The following EXOSC5 variants were observed in gnomAD, a reference collection of about 807,000 sequenced individuals.
The protein encoded by EXOSC5 is exosome component 5.
A neutral mutation model predicts 23.7 loss-of-function variants in EXOSC5; 15 were observed. That is an observed-to-expected ratio of 0.63 (90% CI 0.42 to 0.97). The LOEUF is 0.97. EXOSC5 is among the 50% of genes least tolerant of loss of function. The probability of loss-of-function intolerance (pLI) is 0.00; values close to 1 mark genes in which losing one functional copy is unlikely to be tolerated. For synonymous variants in EXOSC5, 143 were observed against 140.9 expected (o/e 1.02, Z -0.11); for missense variants, 305 against 316.3 (o/e 0.96, Z 0.27).
chr19:41,387,422 A>C (rs868499240), intron 5 of EXOSC5, 92 bp downstream of exon 5: 4 of 1,000,830 alleles, frequency 4.0e-6, no homozygotes, highest in Non-Finnish European at 5.6e-6. Context: ...GGCTCTCCTG[A>C]AGCCTCTCAG....
At chr19:41,386,997 G>A (rs1410151037) in intron 5 of EXOSC5, among the ~76,000 whole-genome samples, 1 of 152,192 alleles carries the variant, frequency 6.6e-6, no homozygotes, top group African/African-American at 2.4e-5. Context: ...CCTTGGAGGA[G>A]GCCCCAGCTG....
At chr19:41,392,830 CTG>C in intron 2 of EXOSC5, 35 bp downstream of exon 2, 1 of 1,597,994 alleles carries the variant, frequency 6.3e-7, no homozygotes, top group Non-Finnish European at 8.6e-7. Context: ...TTTTGACAAA[CTG>C]GGCACCACTC....
chr19:41,392,080 C>T, intron 2 of EXOSC5, 118 bp from the exon 3 acceptor site: 6 of 1,409,010 alleles, frequency 4.3e-6, no homozygotes, highest in Non-Finnish European at 4.7e-6. Flanking sequence ...GGTGCAGTTA[C>T]CTGCAGGGAT....
At chr19:41,392,320 G>A (rs990098536) in intron 2 of EXOSC5, among the ~76,000 whole-genome samples, 215 of 152,290 alleles carry the variant, frequency 1.4e-3, no homozygotes, top group Non-Finnish European at 1.1e-3. Context: ...AGTGGCTCGC[G>A]CCTGTAATCC....
At position 41,392,892 on chromosome 19, in the gene EXOSC5, G is replaced by A. The variant is rs372974571; in HGVS notation, c.237C>T (p.Ile79=). ...EIFNKATLEV[I]LRPKIGLPGV... is the part of the protein sequence containing the mutation. ...CAGGCAGCCCAATCTTCGGCCTCAG[G>A]ATCACTTCGAGTGTGGCCTTGTTGA... The change falls in exon 2 of 6, where the codon ATC becomes ATT. Residue 79 remains isoleucine, a synonymous_variant. Coordinates refer to ENST00000221233, the MANE Select transcript of EXOSC5 (RefSeq NM_020158.4). 68 of 1,613,792 alleles carry A rather than the reference G, an allele frequency of 4.2e-5. No individual in the cohort carries two copies. Among genetic ancestry groups the A allele is most frequent in the Non-Finnish European group, 5.4e-5 (64 of 1,179,994 alleles).
At chr19:41,391,058 G>A (rs892938759) in intron 3 of EXOSC5, among the ~76,000 whole-genome samples, 44 of 152,000 alleles carry the variant, frequency 2.9e-4, no homozygotes, top group African/African-American at 1.1e-3. Context: ...GAAATCCACT[G>A]AGGTGCCGAG....
Position 41,389,881 on chromosome 19 carries a change from C to A in EXOSC5, c.409G>T (p.Ala137Ser). ...GSLLACCLNA[A>S]CMALVDAGVP... ...CCTGCATCCACCAATGCCATGCAGGCGGCATTCAGACAACAGGCCAGGAGC... is the reference window on the plus strand; with the variant it reads ...CCTGCATCCACCAATGCCATGCAGGAGGCATTCAGACAACAGGCCAGGAGC... Residue 137 changes from alanine (A) to serine (S), a missense_variant, in exon 4 of 6, where the codon GCC becomes TCC. Ala to Ser is a moderately conservative substitution (Grantham distance 99, BLOSUM62 1). Coordinates refer to ENST00000221233, the MANE Select transcript of EXOSC5 (RefSeq NM_020158.4). The A allele has an allele frequency of 6.2e-7, 1 of 1,611,100 alleles. No individual in the cohort carries two copies. Among genetic ancestry groups the A allele is most frequent in the Non-Finnish European group, 8.5e-7 (1 of 1,178,900 alleles).
Position 41,391,943 on chromosome 19 carries a change from C to A in EXOSC5, c.282G>T (p.Arg94=). The change falls in exon 3 of 6, where the codon CGG becomes CGT. Residue 94 remains arginine, a synonymous_variant. Transcript: ENST00000221233. ...IGLPGVAEKS[R]ERLIRNTCEA... is the part of the protein sequence containing the mutation. ...CGCACGTGTTCCTGATCAGCCGCTC[C>A]CGGCTCTTCTCTGCAACACCTGGGG... The A allele has an allele frequency of 1.9e-6, 3 of 1,582,586 alleles. No individual in the cohort carries two copies. The highest frequency in any genetic ancestry group is 1.7e-6 in the Non-Finnish European group (2 of 1,167,776).
At position 41,386,689 on chromosome 19, in the gene EXOSC5, G is replaced by C; in HGVS notation, c.652C>G (p.Gln218Glu). 6.2e-7 allele frequency: 1 copy of C among 1,603,418 alleles called. No individual in the cohort carries two copies. Among genetic ancestry groups the C allele is most frequent in the East Asian group, 2.2e-5 (1 of 44,522 alleles). Residue 218 changes from glutamine to glutamate, a missense_variant, in exon 6 of 6, where the codon CAA (glutamine) becomes GAA (glutamate). Gln to Glu is a conservative substitution (Grantham distance 29). Transcript: ENST00000221233. Reference sequence around the variant, plus strand: ...TCCCGGTAGAAACGGAAGACGTGTTGCGAAGCGGCCTGGGCCGCAGCCAGG... The same window carrying C: ...TCCCGGTAGAAACGGAAGACGTGTTCCGAAGCGGCCTGGGCCGCAGCCAGG... ...QCLAAAQAAS[Q>E]HVFRFYRESL...
rs35219501 is a variant in EXOSC5, at chr19:41,386,668, G to A, written c.673C>T (p.Arg225Trp). The A allele has an allele frequency of 2.6e-4, 418 of 1,602,170 alleles. 1 individual carries two copies. The African/African-American group carries it at 3.9e-3, about 15-fold the overall frequency. Residue 225 changes from arginine to tryptophan, a missense_variant, in exon 6 of 6, where the codon CGG (arginine) becomes TGG (tryptophan). Transcript: ENST00000221233. ...AASQHVFRFY[R>W]ESLQRRYSKS ...GAGTAACGCCTCTGCAGCGATTCCC[G>A]GTAGAAACGGAAGACGTGTTGCGAA...
intron 5 of EXOSC5, among the ~76,000 whole-genome samples, chr19:41,387,286 T>A (rs139151273): frequency 4.5e-4 from 68 of 152,336 alleles, no homozygotes; most frequent in African/African-American, 1.6e-3. Context: ...TGCCCTCTTC[T>A]GACTTCAAAC....
At position 41,397,179 on chromosome 19, in the gene EXOSC5, A is replaced by G. The variant is rs754549129; in HGVS notation, c.148+2T>C. 2.0e-5 allele frequency: 32 copies of G among 1,613,796 alleles called. No individual in the cohort carries two copies. The highest frequency in any genetic ancestry group is 2.5e-5 in the Non-Finnish European group (30 of 1,179,724). ...AAAGAAAGACCTGGGTGAAGTTCTT[A>G]CCTTGCAGGAAGGAAGCAGAGCCAT... On this transcript the variant is annotated splice_donor_variant, in intron 1 of 5. Coordinates refer to ENST00000221233, the MANE Select transcript of EXOSC5 (RefSeq NM_020158.4). LOFTEE classifies it high-confidence loss of function.
At chr19:41,392,005 G>A in intron 2 of EXOSC5, 43 bp from the exon 3 acceptor site, 1 of 1,562,248 alleles carries the variant, frequency 6.4e-7, no homozygotes, top group Non-Finnish European at 8.6e-7. Context: ...CCCTTCATTT[G>A]ACTCACCTTC....
rs542062093 is a variant in EXOSC5 at position 41,389,963 on chromosome 19, G to C, written c.385-58C>G. On this transcript the variant is annotated intron_variant, in intron 3 of 5. Coordinates refer to ENST00000221233, the MANE Select transcript of EXOSC5 (RefSeq NM_020158.4). ...TTTTTTTTTTTGGAGATGGAGTTTCGCTCTTGTTGCCCAGGCTGGAGTGCA... is the reference window on the plus strand; with the variant it reads ...TTTTTTTTTTTGGAGATGGAGTTTCCCTCTTGTTGCCCAGGCTGGAGTGCA... The C allele has an allele frequency of 9.2e-6, 14 of 1,517,454 alleles. No individual in the cohort carries two copies. The African/African-American group carries it at 1.8e-4, about 20-fold the overall frequency. 94.0% of individuals were successfully genotyped at this position (1,517,454 alleles called of 1,614,324 possible).
In EXOSC5 at chr19:41,391,878, A is replaced by T. The variant is rs759212369; in HGVS notation, c.347T>A (p.Ile116Asn). ...GCTGACAACCTGCAGCACCACGGTG[A>T]TGGAGGTGCGGGGGTGCAACGTGCC... is the stretch of plus-strand genomic sequence containing the variant. ...VLGTLHPRTS[I>N]TVVLQVVSDA... Residue 116 changes from isoleucine to asparagine, a missense_variant, in exon 3 of 6, where the codon ATC (isoleucine) becomes AAC (asparagine). Ile to Asn is a moderately radical substitution (Grantham distance 149). Coordinates refer to ENST00000221233, the MANE Select transcript of EXOSC5 (RefSeq NM_020158.4). The T allele has an allele frequency of 6.4e-7, 1 of 1,553,140 alleles. No homozygotes were observed. Among genetic ancestry groups the T allele is most frequent in the South Asian group, 1.2e-5 (1 of 82,180 alleles).
intron 2 of EXOSC5, among the ~76,000 whole-genome samples, chr19:41,392,393 C>T (rs932509912): frequency 3.3e-5 from 5 of 152,032 alleles, no homozygotes; most frequent in African/African-American, 1.2e-4. Context: ...ACCATCCTGG[C>T]CAACATGGTG....
In EXOSC5 at chr19:41,387,532, C is replaced by A. The variant is rs747702828; in HGVS notation, c.597G>T (p.Gly199=). ...CTGGTACCTCAGTGTCTGAGTAGAGCCCCTTGGTGCTGGACATCAGCAGCT... is the reference window on the plus strand; with the variant it reads ...CTGGTACCTCAGTGTCTGAGTAGAGACCCTTGGTGCTGGACATCAGCAGCT... ...ERKLLMSSTK[G]LYSDTELQQC... is the part of the protein sequence containing the mutation. The change falls in exon 5 of 6, where the codon GGG becomes GGT. Residue 199 remains glycine (G), a synonymous_variant. Coordinates refer to ENST00000221233, the MANE Select transcript of EXOSC5 (RefSeq NM_020158.4). 2.7e-5 allele frequency: 44 copies of A among 1,603,320 alleles called. No individual in the cohort carries two copies. The highest frequency in any genetic ancestry group is 1.4e-4 in the South Asian group (12 of 88,570).
chr19:41,386,537 T>G lies in EXOSC5; in HGVS notation c.*96A>C. 1 of 1,233,950 alleles carries G rather than the reference T, an allele frequency of 8.1e-7. No individual in the cohort carries two copies. Among genetic ancestry groups the G allele is most frequent in the Non-Finnish European group, 1.1e-6 (1 of 882,854 alleles). The allele number at this position is 1,233,950 out of a possible 1,614,324, so 76.4% of individuals were successfully genotyped here. ...CAGAGCTGCAGGCTCAAGGAGCCCA[T>G]GGGTCAGAGAGGCAAGGCTGGGCTG... On this transcript the variant is annotated 3_prime_UTR_variant, in exon 6 of 6. Transcript: ENST00000221233.
intron 4 of EXOSC5, among the ~76,000 whole-genome samples, chr19:41,387,878 T>A (rs2038996017): frequency 6.6e-6 from 1 of 151,804 alleles, no homozygotes; most frequent in South Asian, 2.1e-4. Context: ...GGAGGACTGC[T>A]TGAGCCCAGG....
Sources: gnomAD v4.1 joint callset for allele counts (sites outside exome capture counted in the v4.1 genomes callset) on GRCh38, gnomAD v4.1.1 for gene constraint, MANE v1.5 for transcripts, NCBI Gene and HGNC (gene_info 2026-07-23, HGNC 2026-07-21) for gene names.